Variants in PCDHGA8 observed in about 807,000 individuals in gnomAD.
PCDHGA8 encodes protocadherin gamma subfamily A, 8.
A neutral mutation model predicts 59.2 loss-of-function variants in PCDHGA8; 45 were observed. The observed-to-expected ratio is 0.76, with a 90% CI of 0.60 to 0.98. The LOEUF is 0.98. PCDHGA8 is among the 50% of genes least tolerant of loss of function. The probability of loss-of-function intolerance (pLI) is 0.00; values close to 1 mark genes in which losing one functional copy is unlikely to be tolerated. For synonymous variants in PCDHGA8, 531 were observed against 519.0 expected (o/e 1.02, Z -0.32); for missense variants, 1,257 against 1,196.2 (o/e 1.05, Z -0.75).
At chr5:141,402,037 G>A (rs749684542) in intron 1 of PCDHGA8, among the ~76,000 whole-genome samples, 24 of 152,118 alleles carry the variant, frequency 1.6e-4, no homozygotes, top group Non-Finnish European at 2.9e-4. Flanking sequence ...CACAGTCTGT[G>A]CATGCATTAC....
chr5:141,480,955 G>A (rs2154578440), intron 1 of PCDHGA8, among the ~76,000 whole-genome samples: 1 of 152,304 alleles, frequency 6.6e-6, no homozygotes, highest in South Asian at 2.1e-4. Context: ...TGAGGCGGAA[G>A]CATCAGTGAG....
At chr5:141,401,721 C>T (rs2094186897) in intron 1 of PCDHGA8, among the ~76,000 whole-genome samples, 1 of 152,142 alleles carries the variant, frequency 6.6e-6, no homozygotes, top group Non-Finnish European at 1.5e-5. Flanking sequence ...AAGACAAAAA[C>T]TACTAGTCTT....
chr5:141,511,374 CA>C lies in PCDHGA8; in HGVS notation c.*202del. ...CCCCAGGGGGTTGAATATGCAAAAG[CA>C]GTTCCGCTGGGAACCCCCATCCAAT... On this transcript the variant is annotated 3_prime_UTR_variant, in exon 4 of 4. Coordinates refer to ENST00000398604, the MANE Select transcript of PCDHGA8 (RefSeq NM_032088.2). The C allele has an allele frequency of 8.0e-7, 1 of 1,242,392 alleles. No individual in the cohort carries two copies. 77.0% of individuals were successfully genotyped at this position (1,242,392 alleles called of 1,614,324 possible).
chr5:141,457,944 C>A (rs761151349), intron 1 of PCDHGA8, among the ~76,000 whole-genome samples: 33 of 152,310 alleles, frequency 2.2e-4, no homozygotes, highest in Non-Finnish European at 4.6e-4. Context: ...ATTGGCTCTG[C>A]ATGTCAAGCT....
In PCDHGA8 at chr5:141,489,911, G is replaced by A; in HGVS notation, c.2425-4896G>A. On this transcript the variant is annotated intron_variant, in intron 1 of 3. Transcript: ENST00000398604. The surrounding 1 kb of genome is among the most constrained non-coding windows in gnomAD (Gnocchi z 4.5). ...GATGGGGGGACCCCAGCCCGCTCAG[G>A]GACCACCCTTATCTCTGTCATCGTG... 3.7e-6 allele frequency: 6 copies of A among 1,614,198 alleles called. No individual in the cohort carries two copies. Among genetic ancestry groups the A allele is most frequent in the Non-Finnish European group, 5.1e-6 (6 of 1,180,042 alleles).
intron 2 of PCDHGA8, among the ~76,000 whole-genome samples, chr5:141,498,039 A>G (rs2099781185): frequency 6.6e-6 from 1 of 152,264 alleles, no homozygotes; most frequent in Non-Finnish European, 1.5e-5. Flanking sequence ...CCAAATAATT[A>G]CAAAAATAAA....
chr5:141,464,266 AAAAAAAAAAAAGC>A (rs2099079689), intron 1 of PCDHGA8, among the ~76,000 whole-genome samples: 2 of 138,926 alleles, frequency 1.4e-5, no homozygotes, highest in Admixed American at 1.4e-4. Flanking sequence ...CTCCGTCTAA[AAAAAAAAAAAAGC>A]AAAAAAAAAA....
At chr5:141,478,478 A>T (rs764926007) in intron 1 of PCDHGA8, 2 of 1,613,740 alleles carry the variant, frequency 1.2e-6, no homozygotes, top group East Asian at 4.5e-5. Flanking sequence ...CCGCCAGAAC[A>T]CGCTGCGGAG....
At chr5:141,420,391 G>C in intron 1 of PCDHGA8, 1 of 1,270,636 alleles carries the variant, frequency 7.9e-7, no homozygotes, top group Non-Finnish European at 1.0e-6. Flanking sequence ...GCAAAATATA[G>C]GTCAAATTTA....
Position 141,485,778 on chromosome 5 carries a change from G to T in PCDHGA8, c.2425-9029G>T. The T allele has an allele frequency of 6.2e-7, 1 of 1,614,216 alleles. No individual in the cohort carries two copies. Among genetic ancestry groups the T allele is most frequent in the Admixed American group, 1.7e-5 (1 of 60,028 alleles). ...CTGCTCCTGGAGAAGCCTTTGGATC[G>T]AGAGAAGCAATCGGACTACCGCCTG... is the stretch of plus-strand genomic sequence containing the variant. On this transcript the variant is annotated intron_variant, in intron 1 of 3. Coordinates refer to ENST00000398604, the MANE Select transcript of PCDHGA8 (RefSeq NM_032088.2). The surrounding 1 kb of genome is among the most constrained non-coding windows in gnomAD (Gnocchi z 5.7).
At position 141,490,735 on chromosome 5, in the gene PCDHGA8, C is replaced by T; in HGVS notation, c.2425-4072C>T. The T allele has an allele frequency of 2.5e-6, 4 of 1,614,194 alleles. No individual in the cohort carries two copies. Among genetic ancestry groups the T allele is most frequent in the Non-Finnish European group, 2.5e-6 (3 of 1,180,018 alleles). ...CTACTCCATTGTAGGAAATCAGGTTCAGGGAGCCCCAGCCTCCTCCTTTGT... is the reference window on the plus strand; with the variant it reads ...CTACTCCATTGTAGGAAATCAGGTTTAGGGAGCCCCAGCCTCCTCCTTTGT... On this transcript the variant is annotated intron_variant, in intron 1 of 3. Transcript: ENST00000398604. This position sits in a 1 kb window ranked among gnomAD's most constrained non-coding sequence, Gnocchi z 5.4.
intron 2 of PCDHGA8, among the ~76,000 whole-genome samples, chr5:141,504,802 C>G (rs370355030): frequency 6.6e-6 from 1 of 152,030 alleles, no homozygotes; most frequent in East Asian, 1.9e-4. Context: ...ACATCTCCCC[C>G]TAGGTACCTC....
chr5:141,437,945 C>A (rs1204633193), intron 1 of PCDHGA8, among the ~76,000 whole-genome samples: 1 of 152,112 alleles, frequency 6.6e-6, no homozygotes, highest in Non-Finnish European at 1.5e-5. Flanking sequence ...ACCATATTGG[C>A]CAGAATGGTC....
In PCDHGA8 at chr5:141,510,932, CCT is replaced by C. The variant is rs753455267; in HGVS notation, c.2573-12_2573-11del. 6 of 1,613,998 alleles carry C rather than the reference CCT, an allele frequency of 3.7e-6. No homozygotes were observed. The highest frequency in any genetic ancestry group is 1.1e-5 in the South Asian group (1 of 91,082). ...CTAAGTTTAGCTCCCACCTGATCTTCCTCTGTCTCTGCAGAAGCTGCTGATGG... is the reference window on the plus strand; with the variant it reads ...CTAAGTTTAGCTCCCACCTGATCTTCCTGTCTCTGCAGAAGCTGCTGATGG... On this transcript the variant is annotated splice_polypyrimidine_tract_variant and intron_variant, in intron 3 of 3. Coordinates refer to ENST00000398604, the MANE Select transcript of PCDHGA8 (RefSeq NM_032088.2).
chr5:141,412,902 T>G, intron 1 of PCDHGA8: 1 of 371,284 alleles, frequency 2.7e-6, no homozygotes, highest in East Asian at 4.2e-5. Flanking sequence ...TACTTTCCAT[T>G]GCATGTATCA....
chr5:141,407,338 A>G (rs1016766073), intron 1 of PCDHGA8, among the ~76,000 whole-genome samples: 33 of 152,208 alleles, frequency 2.2e-4, no homozygotes, highest in Non-Finnish European at 1.8e-4. Context: ...ATTGAAATGT[A>G]TGTTAATTTG....
Position 141,421,259 on chromosome 5 carries a change from G to C in PCDHGA8, c.2424+26022G>C. The C allele has an allele frequency of 6.2e-7, 1 of 1,609,254 alleles. No individual in the cohort carries two copies. The highest frequency in any genetic ancestry group is 8.5e-7 in the Non-Finnish European group (1 of 1,178,538). The stretch of plus-strand genomic sequence containing the variant: ...AATCGGCTACAGCGCGGGGACCGCA[G>C]TCGGCTGCTGCTGCTGCTGTGCATT... On this transcript the variant is annotated intron_variant, in intron 1 of 3. Transcript: ENST00000398604.
intron 1 of PCDHGA8, chr5:141,423,091 G>A (rs1243671863): frequency 6.2e-7 from 1 of 1,613,908 alleles, no homozygotes; most frequent in Non-Finnish European, 8.5e-7. Flanking sequence ...CGCGGTGGGG[G>A]AGCACACGGG....
At chr5:141,475,071 C>T (rs1198043142) in intron 1 of PCDHGA8, among the ~76,000 whole-genome samples, 2 of 152,198 alleles carry the variant, frequency 1.3e-5, no homozygotes, top group Non-Finnish European at 2.9e-5. Context: ...AGCTTTGCTG[C>T]CATTATTTCA....
Sources: allele counts gnomAD v4.1 joint callset (sites outside exome capture counted in the v4.1 genomes callset), GRCh38; gene constraint gnomAD v4.1.1; non-coding constraint Gnocchi (gnomAD v3.1); transcripts MANE v1.5; gene names NCBI Gene and HGNC (gene_info 2026-07-23, HGNC 2026-07-21).